Variants in HEPACAM2 observed in about 807,000 individuals in gnomAD.
HEPACAM2 encodes the protein HEPACAM family member 2, also known as mitotic kinetics regulator.
A neutral mutation model predicts 49.6 loss-of-function variants in HEPACAM2; 49 were observed. The ratio of observed to expected loss-of-function variants is 0.99; its 90% CI spans 0.78 to 1.25. The LOEUF (loss-of-function observed/expected upper bound fraction) is 1.25. Ranked by LOEUF, HEPACAM2 falls within the 50% of genes most tolerant of loss-of-function variation. The probability of loss-of-function intolerance (pLI) is 0.00; values close to 1 mark genes in which losing one functional copy is unlikely to be tolerated. For missense variants in HEPACAM2, 525 were observed against 557.2 expected, an observed-to-expected ratio of 0.94 and a Z score of 0.58; for synonymous variants, 197 against 202.9, an observed-to-expected ratio of 0.97 and a Z score of 0.25.
At chr7:93,222,172 G>T (rs953929148) in intron 1 of HEPACAM2, among the ~76,000 whole-genome samples, 6 of 152,252 alleles carry the variant, frequency 3.9e-5, no homozygotes, top group South Asian at 2.1e-4. Context: ...GTAAGACATT[G>T]GGCCTTTGGA....
intron 2 of HEPACAM2, among the ~76,000 whole-genome samples, chr7:93,218,412 G>A (rs1794364870): frequency 6.6e-6 from 1 of 152,098 alleles, no homozygotes; most frequent in Non-Finnish European, 1.5e-5. Context: ...AGGCTTTCCC[G>A]TGGACTGGAT....
chr7:93,224,369 C>A (rs141858894), intron 1 of HEPACAM2, among the ~76,000 whole-genome samples: 1 of 151,708 alleles, frequency 6.6e-6, no homozygotes. Context: ...AATTTAAATT[C>A]GATTTTATTA....
In HEPACAM2 at chr7:93,208,995, G is replaced by A. The variant is rs866036714; in HGVS notation, c.716-119C>T. On this transcript the variant is annotated intron_variant, in intron 3 of 9. Transcript: ENST00000394468. Reference sequence around the variant, plus strand: ...GAAAATTTTCATCTTAGAATTGGACGAGCAGGTCCTTGCTTAGACTCCCAA... The same window carrying A: ...GAAAATTTTCATCTTAGAATTGGACAAGCAGGTCCTTGCTTAGACTCCCAA... 7 of 752,094 alleles carry A rather than the reference G, an allele frequency of 9.3e-6. No individual in the cohort carries two copies. The Admixed American group carries it at 1.2e-4, about 13-fold the overall frequency. 46.6% of individuals were successfully genotyped at this position (752,094 alleles called of 1,614,324 possible).
chr7:93,212,597 A>G (rs1794203688), intron 3 of HEPACAM2, among the ~76,000 whole-genome samples: 1 of 152,040 alleles, frequency 6.6e-6, no homozygotes. Flanking sequence ...CAGAGAACCA[A>G]TATCCACATT....
At chr7:93,222,052 G>T (rs1467235061) in intron 1 of HEPACAM2, among the ~76,000 whole-genome samples, 1 of 152,154 alleles carries the variant, frequency 6.6e-6, no homozygotes, top group Non-Finnish European at 1.5e-5. Context: ...AATAGTAGGA[G>T]AGAGAAAGAA....
chr7:93,192,188 C>A, intron 9 of HEPACAM2, 66 bp downstream of exon 9: 1 of 1,185,096 alleles, frequency 8.4e-7, no homozygotes, highest in Non-Finnish European at 1.2e-6. Context: ...TTAATCAGTT[C>A]TGGGGAAAGC....
chr7:93,225,227 A>G (rs141802501), intron 1 of HEPACAM2, among the ~76,000 whole-genome samples: 1 of 152,312 alleles, frequency 6.6e-6, no homozygotes, highest in African/African-American at 2.4e-5. Context: ...AAGGAAGACA[A>G]ATGCACAAAG....
intron 8 of HEPACAM2, among the ~76,000 whole-genome samples, chr7:93,194,057 G>C (rs1023784524): frequency 1.3e-5 from 2 of 152,124 alleles, no homozygotes; most frequent in Non-Finnish European, 2.9e-5. Flanking sequence ...TTTGAAGATG[G>C]ACATGGCTCC....
intron 1 of HEPACAM2, among the ~76,000 whole-genome samples, chr7:93,222,104 T>G (rs1004899978): frequency 6.6e-6 from 1 of 152,138 alleles, no homozygotes; most frequent in Non-Finnish European, 1.5e-5. Flanking sequence ...TAGTGATGTC[T>G]AAGATATGTG....
intron 3 of HEPACAM2, among the ~76,000 whole-genome samples, chr7:93,213,619 C>T (rs1311050568): frequency 6.6e-6 from 1 of 152,028 alleles, no homozygotes; most frequent in Non-Finnish European, 1.5e-5. Context: ...GTTCAAGAAA[C>T]TTTATTGATT....
At chr7:93,231,204 GT>G (rs1470646810), upstream of HEPACAM2, among the ~76,000 whole-genome samples, 1 of 151,828 alleles carries the variant, frequency 6.6e-6, no homozygotes, top group Non-Finnish European at 1.5e-5. Context: ...TTTTTATTAC[GT>G]TGACACACTT....
chr7:93,202,030 AC>A (rs1793900630), intron 4 of HEPACAM2, among the ~76,000 whole-genome samples: 5 of 28,096 alleles, frequency 1.8e-4, no homozygotes, highest in African/African-American at 3.7e-4. Flanking sequence ...AAAAAAAAAA[AC>A]CAAAAAAAAA....
intron 1 of HEPACAM2, among the ~76,000 whole-genome samples, chr7:93,223,285 TG>T (rs564099236): frequency 3.9e-5 from 6 of 152,214 alleles, no homozygotes; most frequent in Non-Finnish European, 7.3e-5. Context: ...TATATTACTA[TG>T]GGGTGACAAT....
At chr7:93,207,756 A>G (rs10270747) in intron 4 of HEPACAM2, among the ~76,000 whole-genome samples, 144,592 of 151,806 alleles carry the variant, frequency 0.95, 68,910 homozygotes, top group East Asian at 1. Flanking sequence ...TTGATATATC[A>G]GACCTGTATG....
At position 93,219,249 on chromosome 7, in the gene HEPACAM2, G is replaced by A. The variant is rs1265407696; in HGVS notation, c.282C>T (p.Tyr94=). ...GTGGCATCATGGTGAACTTGTGTTG[G>A]TATTCCAAGTCAGGAACCACAGACT... is the stretch of plus-strand genomic sequence containing the variant. ...VNKSVVPDLE[Y]QHKFTMMPPN... Residue 94 remains tyrosine (Y), a synonymous_variant, in exon 2 of 10, where the codon TAC becomes TAT. Coordinates refer to ENST00000394468, the MANE Select transcript of HEPACAM2 (RefSeq NM_001039372.4). 2.5e-6 allele frequency: 4 copies of A among 1,613,990 alleles called. No homozygotes were observed. The highest frequency in any genetic ancestry group is 3.4e-6 in the Non-Finnish European group (4 of 1,179,936).
At chr7:93,206,479 T>G (rs1344029309) in intron 4 of HEPACAM2, among the ~76,000 whole-genome samples, 2 of 152,096 alleles carry the variant, frequency 1.3e-5, no homozygotes, top group East Asian at 3.9e-4. Context: ...TATAACACCC[T>G]AAAACACATA....
At position 93,226,358 on chromosome 7, in the gene HEPACAM2, A is replaced by C; in HGVS notation, c.79+10T>G. 2.5e-6 allele frequency: 4 copies of C among 1,600,442 alleles called. No individual in the cohort carries two copies. The highest frequency in any genetic ancestry group is 3.4e-6 in the Non-Finnish European group (4 of 1,168,382). On this transcript the variant is annotated intron_variant, in intron 1 of 9. Coordinates refer to ENST00000394468, the MANE Select transcript of HEPACAM2 (RefSeq NM_001039372.4). ...CAAACAGCTAAAACACAATTCACAC[A>C]GGGCCTTACCGAAGAGAAGGAGGTA...
chr7:93,222,705 G>A (rs1429066305), intron 1 of HEPACAM2, among the ~76,000 whole-genome samples: 1 of 152,112 alleles, frequency 6.6e-6, no homozygotes, highest in Non-Finnish European at 1.5e-5. Flanking sequence ...GTTTTCTCAT[G>A]TGTGAATAGG....
chr7:93,208,517 G>C, intron 4 of HEPACAM2, 63 bp downstream of exon 4: 1 of 1,335,512 alleles, frequency 7.5e-7, no homozygotes, highest in African/African-American at 1.4e-5. Context: ...TAAGATAGGG[G>C]AAGTGCAAGG....
Sources: gnomAD v4.1 joint callset for allele counts (sites outside exome capture counted in the v4.1 genomes callset) on GRCh38, gnomAD v4.1.1 for gene constraint, MANE v1.5 for transcripts, NCBI Gene and HGNC (gene_info 2026-07-23, HGNC 2026-07-21) for gene names.